The following SLC17A4 variants were observed in gnomAD, a reference collection of about 807,000 sequenced individuals.
SLC17A4 encodes the protein probable small intestine urate exporter.
Under a neutral mutation model 52.5 loss-of-function variants are expected in SLC17A4, and 33 were observed. The observed-to-expected ratio is 0.63, with a 90% CI of 0.48 to 0.84. SLC17A4 has a LOEUF of 0.84. Ranked by LOEUF, SLC17A4 falls within the 40% of genes least tolerant of loss-of-function variation. SLC17A4 has a pLI of 0.00. For synonymous variants in SLC17A4, 225 were observed against 216.2 expected (o/e 1.04, Z -0.36); for missense variants, 585 against 597.1 (o/e 0.98, Z 0.21).
At chr6:25,770,536 A>G in intron 5 of SLC17A4, 65 bp downstream of exon 5, 1 of 1,432,826 alleles carries the variant, frequency 7.0e-7, no homozygotes. Context: ...AGTCCTGCCA[A>G]CAGAACCAAG....
At chr6:25,777,185 C>T in intron 10 of SLC17A4, 1 of 506,264 alleles carries the variant, frequency 2.0e-6, no homozygotes, top group South Asian at 3.3e-5. Flanking sequence ...AGTGGCCATG[C>T]TCAGAGTCAA....
chr6:25,769,086 G>A lies in SLC17A4; in HGVS notation c.193G>A (p.Val65Met). 6.2e-7 allele frequency: 1 copy of A among 1,614,040 alleles called. No homozygotes were observed. The highest frequency in any genetic ancestry group is 1.1e-5 in the South Asian group (1 of 91,074). Residue 65 changes from valine (V) to methionine (M), a missense_variant, in exon 3 of 12, where the codon GTG becomes ATG. Physicochemically the swap from Val to Met is conservative, Grantham distance 21 (BLOSUM62 1). Transcript: ENST00000377905. ...CTTGAGCATTGCCATCCCAGCTATG[G>A]TGAACAACACAGCCCCACCTAGCCA... ...MNLSIAIPAM[V>M]NNTAPPSQPN... is the part of the protein sequence containing the mutation.
In SLC17A4 at chr6:25,776,956, C is replaced by T. The variant is rs1203753905; in HGVS notation, c.1265C>T (p.Pro422Leu). 6.2e-7 allele frequency: 1 copy of T among 1,610,444 alleles called. No individual in the cohort carries two copies. The highest frequency in any genetic ancestry group is 1.1e-5 in the South Asian group (1 of 90,580). ...GALVNFLDIAPRYTGFLKGLL... is the reference protein window; with the variant it reads ...GALVNFLDIALRYTGFLKGLL... ...CTTGTTAACTTCTTGGATATTGCTC[C>T]TCGGTAGGGACCTCTTTTGCCTCAT... is the stretch of plus-strand genomic sequence containing the variant. The change falls in exon 10 of 12, where the codon CCT becomes CTT. Residue 422 changes from proline (P) to leucine (L), a missense_variant. Physicochemically the swap from Pro to Leu is moderately conservative, Grantham distance 98. Coordinates refer to ENST00000377905, the MANE Select transcript of SLC17A4 (RefSeq NM_005495.3).
At chr6:25,768,938 G>T in intron 2 of SLC17A4, 47 bp from the exon 3 acceptor site, 1 of 1,549,408 alleles carries the variant, frequency 6.5e-7, no homozygotes, top group East Asian at 2.3e-5. Context: ...AGGGAGAGTG[G>T]GAGAAAAGCA....
At chr6:25,756,950 T>C (rs1209663741) in intron 1 of SLC17A4, among the ~76,000 whole-genome samples, 1 of 152,234 alleles carries the variant, frequency 6.6e-6, no homozygotes, top group Admixed American at 6.5e-5. Context: ...CTAATTGCCC[T>C]GAGGTGTGAA....
chr6:25,756,245 C>T (rs947023519), intron 1 of SLC17A4, among the ~76,000 whole-genome samples: 3 of 152,104 alleles, frequency 2.0e-5, no homozygotes, highest in Admixed American at 1.3e-4. Flanking sequence ...CACTCTGCAT[C>T]GCCATGTTGG....
intron 11 of SLC17A4, 25 bp downstream of exon 11, chr6:25,778,041 A>ATTCATGATGAATT: frequency 6.3e-7 from 1 of 1,590,344 alleles, no homozygotes; most frequent in Non-Finnish European, 8.6e-7. Context: ...TCTGATGAAT[A>ATTCATGATGAATT]TTCATAAAAG....
At chr6:25,760,858 T>G (rs1761471454) in intron 1 of SLC17A4, among the ~76,000 whole-genome samples, 2 of 152,194 alleles carry the variant, frequency 1.3e-5, no homozygotes, top group South Asian at 4.1e-4. Flanking sequence ...CATATTTTAT[T>G]TCTTCAATTA....
At chr6:25,758,643 G>A (rs1311501470) in intron 1 of SLC17A4, among the ~76,000 whole-genome samples, 12 of 152,158 alleles carry the variant, frequency 7.9e-5, no homozygotes, top group Middle Eastern at 3.4e-3. Flanking sequence ...AATATCTCCC[G>A]TTTTGTTTCA....
chr6:25,763,557 A>G (rs1287951058), intron 2 of SLC17A4, among the ~76,000 whole-genome samples: 2 of 152,110 alleles, frequency 1.3e-5, no homozygotes, highest in Non-Finnish European at 2.9e-5. Context: ...TTCTCTGGGT[A>G]CCAGTACCCC....
In SLC17A4 at chr6:25,776,452, C is replaced by T. The variant is rs539888475; in HGVS notation, c.988-143C>T. On this transcript the variant is annotated intron_variant, in intron 8 of 11. Coordinates refer to ENST00000377905, the MANE Select transcript of SLC17A4 (RefSeq NM_005495.3). ...CATATACATACTAAAAGTATATTGG[C>T]TCATTATAGTAACATGGAATTTGTA... The T allele has an allele frequency of 8.5e-6, 8 of 945,326 alleles. No homozygotes were observed. In the South Asian group the frequency reaches 1.5e-4, roughly 18 times the overall value. 58.6% of individuals were successfully genotyped at this position (945,326 alleles called of 1,614,324 possible). A position where few individuals can be genotyped will look rare whatever the true frequency, so the allele number is the denominator to read the frequency against.
intron 11 of SLC17A4, 86 bp from the exon 12 acceptor site, chr6:25,778,968 C>A (rs777866238): frequency 1.3e-5 from 20 of 1,547,544 alleles, no homozygotes; most frequent in Non-Finnish European, 1.8e-5. Flanking sequence ...GGGGAGGGAG[C>A]AGGAGGACAC....
At chr6:25,769,782 AT>A (rs1233593016) in intron 3 of SLC17A4, among the ~76,000 whole-genome samples, 20 of 147,988 alleles carry the variant, frequency 1.4e-4, no homozygotes, top group Admixed American at 2.0e-4. Context: ...CCTTCCACGT[AT>A]TTTTTTTTTA....
intron 3 of SLC17A4, 138 bp from the exon 4 acceptor site, chr6:25,769,929 T>A: frequency 1.4e-6 from 1 of 736,706 alleles, no homozygotes; most frequent in Admixed American, 2.3e-5. Context: ...TTTAAATACA[T>A]GATACTGGTA....
chr6:25,777,895 G>T, intron 10 of SLC17A4, 31 bp from the exon 11 acceptor site: 1 of 1,573,784 alleles, frequency 6.4e-7, no homozygotes, highest in Non-Finnish European at 8.7e-7. Flanking sequence ...GGTATACTTG[G>T]TTATAATAGA....
intron 2 of SLC17A4, among the ~76,000 whole-genome samples, chr6:25,766,688 C>T (rs1484063495): frequency 1.3e-5 from 2 of 152,076 alleles, no homozygotes; most frequent in African/African-American, 2.4e-5. Flanking sequence ...ACACATAATC[C>T]CAGTCTAATC....
At chr6:25,756,271 G>GA (rs926109498) in intron 1 of SLC17A4, among the ~76,000 whole-genome samples, 2 of 152,050 alleles carry the variant, frequency 1.3e-5, no homozygotes, top group African/African-American at 4.8e-5. Context: ...CTTCTGCCTA[G>GA]AAAAACGTGA....
intron 1 of SLC17A4, among the ~76,000 whole-genome samples, chr6:25,756,603 C>A (rs1210316665): frequency 6.6e-6 from 1 of 152,210 alleles, no homozygotes; most frequent in African/African-American, 2.4e-5. Flanking sequence ...TCACCCTCGG[C>A]TGTCTGTTCC....
In SLC17A4 at chr6:25,773,293, G is replaced by T. The variant is rs1207172956; in HGVS notation, c.725G>T (p.Cys242Phe). ...TTCCTAGGAGGAATTGGCTGTGCTT[G>T]TTGTCCTCTCTGGTTTCCTCTCATT... ...FYIFGGIGCA[C>F]CPLWFPLIYD... Residue 242 changes from cysteine (C) to phenylalanine (F), a missense_variant, in exon 7 of 12, where the codon TGT becomes TTT. Physicochemically the swap from Cys to Phe is radical, Grantham distance 205 (BLOSUM62 -2). Transcript: ENST00000377905. 6.2e-7 allele frequency: 1 copy of T among 1,613,710 alleles called. No homozygotes were observed. Among genetic ancestry groups the T allele is most frequent in the Non-Finnish European group, 8.5e-7 (1 of 1,179,750 alleles).
Sources: allele counts gnomAD v4.1 joint callset (sites outside exome capture counted in the v4.1 genomes callset), GRCh38; gene constraint gnomAD v4.1.1; transcripts MANE v1.5; gene names NCBI Gene and HGNC (gene_info 2026-07-23, HGNC 2026-07-21).